Variants in FAT1 observed in about 807,000 individuals in gnomAD.
FAT1 encodes protocadherin Fat 1.
In FAT1, 171 loss-of-function variants were observed where a neutral mutation model predicts 329.8. The ratio of observed to expected loss-of-function variants is 0.52; its 90% CI spans 0.46 to 0.59. The LOEUF is 0.59. FAT1 is among the 20% of genes least tolerant of loss of function. The pLI is 0.00. For synonymous variants in FAT1, 2,233 were observed against 2,228.6 expected, an observed-to-expected ratio of 1.00 and a Z score of -0.06; for missense variants, 5,672 against 5,774.4, an observed-to-expected ratio of 0.98 and a Z score of 0.57.
At chr4:186,641,457 C>T (rs192908848) in intron 3 of FAT1, among the ~76,000 whole-genome samples, 19 of 152,240 alleles carry the variant, frequency 1.2e-4, no homozygotes, top group Middle Eastern at 3.4e-3. Context: ...AGTTCAGGAA[C>T]GACAAGGAGC....
intron 1 of FAT1, among the ~76,000 whole-genome samples, chr4:186,718,020 T>C (rs1579507332): frequency 6.6e-6 from 1 of 152,286 alleles, no homozygotes; most frequent in Middle Eastern, 3.4e-3. Flanking sequence ...TAATCAACAA[T>C]GGCCACTTCT....
Position 186,595,882 on chromosome 4 carries a change from G to A in FAT1, c.13001-56C>T, listed in dbSNP as rs537781695. The A allele has an allele frequency of 2.6e-5, 42 of 1,586,232 alleles. 1 individual carries two copies. The Middle Eastern group carries it at 6.7e-4, about 25-fold the overall frequency. ...ATGGGCCAAGACGGTTTTGTTCACC[G>A]CTGAATCCTGAGACACACCATGCAT... On this transcript the variant is annotated intron_variant, in intron 25 of 26. Transcript: ENST00000441802.
chr4:186,706,468 C>T (rs1411527444), intron 2 of FAT1, 95 bp downstream of exon 2: 1 of 1,334,144 alleles, frequency 7.5e-7, no homozygotes, highest in Non-Finnish European at 1.0e-6. Context: ...CAAAGAGCAA[C>T]AGGGAATTTT....
chr4:186,632,843 A>ATG (rs1740656882), intron 7 of FAT1, among the ~76,000 whole-genome samples: 1 of 152,214 alleles, frequency 6.6e-6, no homozygotes, highest in African/African-American at 2.4e-5. Flanking sequence ...TTGTTCTCTG[A>ATG]CATTTAACTT....
chr4:186,595,888 T>TCC, intron 25 of FAT1, 62 bp from the exon 26 acceptor site: 1 of 1,572,708 alleles, frequency 6.4e-7, no homozygotes, highest in Non-Finnish European at 8.7e-7. Flanking sequence ...CACCGCTGAA[T>TCC]CCTGAGACAC....
intron 2 of FAT1, among the ~76,000 whole-genome samples, chr4:186,668,323 A>G (rs1742556758): frequency 5.9e-5 from 9 of 152,184 alleles, no homozygotes; most frequent in Admixed American, 5.9e-4. Context: ...ACGAAGGTCC[A>G]GGATGGCTGA....
intron 26 of FAT1, among the ~76,000 whole-genome samples, chr4:186,595,341 G>A (rs969024394): frequency 2.6e-5 from 4 of 152,080 alleles, no homozygotes; most frequent in Non-Finnish European, 4.4e-5. Flanking sequence ...GTTTGTGTGC[G>A]TGCTGCGTGG....
At chr4:186,666,013 A>G (rs1742418239) in intron 2 of FAT1, among the ~76,000 whole-genome samples, 1 of 125,352 alleles carries the variant, frequency 8.0e-6, no homozygotes, top group Non-Finnish European at 1.6e-5. Context: ...AGGGTGGGGA[A>G]CATCACACAC....
At chr4:186,692,840 A>C (rs1743849965) in intron 2 of FAT1, among the ~76,000 whole-genome samples, 1 of 152,170 alleles carries the variant, frequency 6.6e-6, no homozygotes, top group Non-Finnish European at 1.5e-5. Context: ...TAATGAGAAA[A>C]ACGAACATCT....
At chr4:186,678,652 C>T (rs381436) in intron 2 of FAT1, among the ~76,000 whole-genome samples, 71,481 of 149,000 alleles carry the variant, frequency 0.48, 20,417 homozygotes, top group East Asian at 0.87. Context: ...ATACATATTA[C>T]ATACATAAAT....
rs2126545354 is a variant in FAT1 at position 186,628,725 on chromosome 4, A to G, written c.4362T>C (p.Pro1454=). Reference sequence around the variant, plus strand: ...CTTCATACTTTGATGTAGAAAACTGAGGACGATGGTCATTTGTGTCTATTA... The same window carrying G: ...CTTCATACTTTGATGTAGAAAACTGGGGACGATGGTCATTTGTGTCTATTA... ...IKVIDTNDHR[P]QFSTSKYEVV... The change falls in exon 8 of 27, where the codon CCT becomes CCC. Residue 1454 remains proline, a synonymous_variant. Transcript: ENST00000441802. 1 of 1,613,814 alleles carries G rather than the reference A, an allele frequency of 6.2e-7. No individual in the cohort carries two copies. The highest frequency in any genetic ancestry group is 1.1e-5 in the South Asian group (1 of 91,072).
intron 3 of FAT1, among the ~76,000 whole-genome samples, chr4:186,645,962 A>ATAT (rs1553993242): frequency 1.1e-5 from 1 of 94,524 alleles, no homozygotes; most frequent in African/African-American, 4.7e-5. Flanking sequence ...AAAAAAAAAA[A>ATAT]ATATATACAC....
At chr4:186,658,423 C>A (rs1473210418) in intron 3 of FAT1, among the ~76,000 whole-genome samples, 1 of 152,104 alleles carries the variant, frequency 6.6e-6, no homozygotes, top group Non-Finnish European at 1.5e-5. Context: ...CTTGTTGTGA[C>A]TTTTAAAATA....
intron 2 of FAT1, among the ~76,000 whole-genome samples, chr4:186,679,289 A>C (rs528704061): frequency 1.3e-4 from 20 of 151,904 alleles, no homozygotes; most frequent in Admixed American, 5.9e-4. Flanking sequence ...TGGTGGCGGG[A>C]GCCTGTAGTC....
chr4:186,601,948 T>G (rs1261256179), intron 20 of FAT1, among the ~76,000 whole-genome samples: 1 of 152,276 alleles, frequency 6.6e-6, no homozygotes, highest in South Asian at 2.1e-4. Context: ...CAGAGGTAAC[T>G]GCAACACTGT....
intron 8 of FAT1, 25 bp from the exon 9 acceptor site, chr4:186,628,389 A>C (rs7665112): frequency 1.2e-6 from 2 of 1,610,692 alleles, no homozygotes; most frequent in Non-Finnish European, 1.7e-6. Flanking sequence ...CACATTATCA[A>C]TCCCATTGGT....
intron 2 of FAT1, among the ~76,000 whole-genome samples, chr4:186,698,802 G>A (rs1479288594): frequency 3.3e-5 from 5 of 152,206 alleles, no homozygotes; most frequent in East Asian, 3.8e-4. Context: ...ACAGTGAAAC[G>A]GGTTAAGGAG....
rs763816115 is a variant in FAT1, at chr4:186,707,126, G to A, written c.2702C>T (p.Ala901Val). 1 of 1,613,934 alleles carries A rather than the reference G, an allele frequency of 6.2e-7. No homozygotes were observed. The highest frequency in any genetic ancestry group is 2.2e-5 in the East Asian group (1 of 44,884). Residue 901 changes from alanine to valine, a missense_variant, in exon 2 of 27, where the codon GCC becomes GTC. Ala to Val is a moderately conservative substitution (Grantham distance 64). This residue lies in a region of FAT1 where 3,966 missense variants were observed against 3,915.2 expected (regional missense o/e 1.01). Coordinates refer to ENST00000441802, the MANE Select transcript of FAT1 (RefSeq NM_005245.4). ...HSLKIEARDQAREEPQLFSTV... is the reference protein window; with the variant it reads ...HSLKIEARDQVREEPQLFSTV... ...GGAGAACAGCTGAGGCTCTTCTCTGGCTTGGTCCCTGGCCTCAATCTTTAA... is the reference window on the plus strand; with the variant it reads ...GGAGAACAGCTGAGGCTCTTCTCTGACTTGGTCCCTGGCCTCAATCTTTAA...
chr4:186,628,501 G>C lies in FAT1; in HGVS notation c.4586C>G (p.Thr1529Ser). Reference protein sequence around the residue: ...KLDHEAVHQHTLTVMVRDQDV... With the variant: ...KLDHEAVHQHSLTVMVRDQDV... ...TAGAGCGCCTACCATGACCGTGAGG[G>C]TGTGCTGGTGAACAGCTTCATGATC... Residue 1529 changes from threonine to serine, a missense_variant, in exon 8 of 27, where the codon ACC becomes AGC. Coordinates refer to ENST00000441802, the MANE Select transcript of FAT1 (RefSeq NM_005245.4). 1 of 1,614,052 alleles carries C rather than the reference G, an allele frequency of 6.2e-7. No homozygotes were observed. The highest frequency in any genetic ancestry group is 8.5e-7 in the Non-Finnish European group (1 of 1,179,904).
Sources: gnomAD v4.1 joint callset for allele counts (sites outside exome capture counted in the v4.1 genomes callset) on GRCh38, gnomAD v4.1.1 for gene constraint, gnomAD v4.1.1 regional missense constraint, MANE v1.5 for transcripts, NCBI Gene and HGNC (gene_info 2026-07-23, HGNC 2026-07-21) for gene names.